The following PPAT variants were observed in gnomAD, a reference collection of about 807,000 sequenced individuals.
PPAT encodes phosphoribosyl pyrophosphate amidotransferase.
In PPAT, 20 loss-of-function variants were observed where a neutral mutation model predicts 60.2. That is an observed-to-expected ratio of 0.33 (90% CI 0.23 to 0.48). PPAT has a LOEUF of 0.48. PPAT is among the 20% of genes least tolerant of loss of function. The pLI, the probability that PPAT is intolerant of heterozygous loss-of-function variation, is 0.99. For missense variants in PPAT, 349 were observed against 629.6 expected, an observed-to-expected ratio of 0.55 and a Z score of 4.77; for synonymous variants, 194 against 215.1, an observed-to-expected ratio of 0.90 and a Z score of 0.86.
Position 56,401,420 on chromosome 4 carries a change from G to A in PPAT, c.796C>T (p.Leu266Phe). ...VEISRHNVQT[L>F]DIISRSEGNP... ...CCTTCAGACCTTGATATAATATCAA[G>A]AGTTTGGACATTGTGTCTGGATATT... The change falls in exon 7 of 11, where the codon CTT becomes TTT. Residue 266 changes from leucine (L) to phenylalanine (F), a missense_variant. Leu to Phe is a conservative substitution (Grantham distance 22). This residue lies in a region of PPAT where 167 missense variants were observed against 328.6 expected (regional missense o/e 0.51). Coordinates refer to ENST00000264220, the MANE Select transcript of PPAT (RefSeq NM_002703.5). 1 of 1,606,204 alleles carries A rather than the reference G, an allele frequency of 6.2e-7. No homozygotes were observed. Among genetic ancestry groups the A allele is most frequent in the South Asian group, 1.1e-5 (1 of 90,060 alleles).
chr4:56,406,738 G>T lies in PPAT; in HGVS notation c.196-37C>A, dbSNP rs201432949. Reference sequence around the variant, plus strand: ...AAAAAGTGCAACTTAGAAAAAAACAGACTAGTACTGCTAGTAATAAACGCC... The same window carrying T: ...AAAAAGTGCAACTTAGAAAAAAACATACTAGTACTGCTAGTAATAAACGCC... On this transcript the variant is annotated intron_variant, in intron 2 of 10. Transcript: ENST00000264220. 8.3e-5 allele frequency: 121 copies of T among 1,452,620 alleles called. No individual in the cohort carries two copies. The East Asian group carries it at 2.6e-3, about 32-fold the overall frequency. 90.0% of individuals were successfully genotyped at this position (1,452,620 alleles called of 1,614,324 possible). A position where few individuals can be genotyped will look rare whatever the true frequency, so the allele number is the denominator to read the frequency against.
chr4:56,404,523 T>C (rs751856968), intron 3 of PPAT, among the ~76,000 whole-genome samples: 3 of 152,196 alleles, frequency 2.0e-5, no homozygotes, highest in African/African-American at 4.8e-5. Flanking sequence ...AGATTGAGTC[T>C]GAATGGGCAC....
intron 1 of PPAT, among the ~76,000 whole-genome samples, chr4:56,409,737 A>G (rs1716360505): frequency 1.3e-5 from 2 of 152,248 alleles, no homozygotes; most frequent in South Asian, 4.1e-4. Context: ...TTTGTTCCAA[A>G]GAATATATAT....
At chr4:56,415,765 T>C (rs542347556) in intron 1 of PPAT, among the ~76,000 whole-genome samples, 1 of 152,212 alleles carries the variant, frequency 6.6e-6, no homozygotes, top group South Asian at 2.1e-4. Flanking sequence ...GATACAATTA[T>C]AAATAAAACA....
In PPAT at chr4:56,402,505, T is replaced by C. The variant is rs375406353; in HGVS notation, c.662-324A>G. The stretch of plus-strand genomic sequence containing the variant: ...ATTAAGACAGGAAAAAATAGGAATC[T>C]CTATTAAAAACATTAAAAGGGATTC... On this transcript the variant is annotated intron_variant, in intron 5 of 10. Coordinates refer to ENST00000264220, the MANE Select transcript of PPAT (RefSeq NM_002703.5). 5.3e-4 allele frequency among the ~76,000 whole-genome samples: 81 copies of C among 152,104 alleles called. 1 individual carries two copies. Among genetic ancestry groups the C allele is most frequent in the African/African-American group, 1.9e-3 (78 of 41,502 alleles).
rs553701803 is a variant in PPAT, at chr4:56,396,883, GTTTT to G, written c.1237-148_1237-145del. ...ATTCTTTCTACAAAGCTGCTTCTTG[GTTTT>G]TTTTTTCTTTCACCTAATCATGAGG... On this transcript the variant is annotated intron_variant, in intron 9 of 10. Transcript: ENST00000264220. This position sits in a 1 kb window ranked among gnomAD's most constrained non-coding sequence, Gnocchi z 4.6. 35 of 700,194 alleles carry G rather than the reference GTTTT, an allele frequency of 5.0e-5. No homozygotes were observed. The highest frequency in any genetic ancestry group is 1.7e-4 in the South Asian group (5 of 28,726). 43.4% of individuals were successfully genotyped at this position (700,194 alleles called of 1,614,324 possible).
chr4:56,429,268 C>A (rs1257234203), intron 1 of PPAT, among the ~76,000 whole-genome samples: 2 of 152,050 alleles, frequency 1.3e-5, no homozygotes, highest in Non-Finnish European at 2.9e-5. Flanking sequence ...TGAAAACTTG[C>A]CCGGAGTTAG....
intron 1 of PPAT, among the ~76,000 whole-genome samples, chr4:56,411,788 G>A (rs1036651361): frequency 6.6e-6 from 1 of 152,210 alleles, no homozygotes. Flanking sequence ...AGAGAAAACA[G>A]TAAATAGTAT....
At chr4:56,427,435 A>T (rs925672734) in intron 1 of PPAT, among the ~76,000 whole-genome samples, 3 of 152,216 alleles carry the variant, frequency 2.0e-5, no homozygotes, top group Non-Finnish European at 2.9e-5. Flanking sequence ...GTTTTCCACC[A>T]TGACTTCACC....
intron 1 of PPAT, among the ~76,000 whole-genome samples, chr4:56,434,645 C>G (rs1375275287): frequency 6.6e-6 from 1 of 152,172 alleles, no homozygotes; most frequent in Non-Finnish European, 1.5e-5. Context: ...TAATTTTTGT[C>G]ATGTTATTAC....
rs554631215 is a variant in PPAT at position 56,424,228 on chromosome 4, A to G, written c.128+11122T>C. ...AAGCCATAAGCTTTTCTTTACTTCA[A>G]ATGAAAATCCAGCTACAGCTGTAGA... is the stretch of plus-strand genomic sequence containing the variant. On this transcript the variant is annotated intron_variant, in intron 1 of 10. Coordinates refer to ENST00000264220, the MANE Select transcript of PPAT (RefSeq NM_002703.5). 2.8e-4 allele frequency among the ~76,000 whole-genome samples: 43 copies of G among 152,202 alleles called. 1 individual carries two copies. Among genetic ancestry groups the G allele is most frequent in the Admixed American group, 3.3e-4 (5 of 15,280 alleles).
At chr4:56,401,538 T>G in intron 6 of PPAT, 57 bp from the exon 7 acceptor site, 3 of 1,412,778 alleles carry the variant, frequency 2.1e-6, no homozygotes, top group Non-Finnish European at 2.9e-6. Flanking sequence ...TTAAGGCTGA[T>G]GAAAATATTA....
intron 1 of PPAT, among the ~76,000 whole-genome samples, chr4:56,429,647 T>C (rs996399924): frequency 6.6e-6 from 1 of 152,212 alleles, no homozygotes; most frequent in Admixed American, 6.5e-5. Flanking sequence ...TAATGCCTTA[T>C]AGATTTATAA....
chr4:56,428,704 TA>T (rs1284410284), intron 1 of PPAT, among the ~76,000 whole-genome samples: 1 of 152,162 alleles, frequency 6.6e-6, no homozygotes, highest in Non-Finnish European at 1.5e-5. Context: ...ATGAAATCCT[TA>T]CACTATTGTA....
intron 1 of PPAT, among the ~76,000 whole-genome samples, chr4:56,433,012 T>A (rs993019824): frequency 6.0e-5 from 9 of 150,786 alleles, no homozygotes; most frequent in African/African-American, 1.9e-4. Flanking sequence ...TATATATATA[T>A]AAAACTAAAC....
At position 56,394,844 on chromosome 4, in the gene PPAT, C is replaced by A. The variant is rs2110035454; in HGVS notation, c.*508G>T. On this transcript the variant is annotated 3_prime_UTR_variant, in exon 11 of 11. Transcript: ENST00000264220. ...GTATCCCATTGCACATGTGGGGAAA[C>A]TGAGGCACCAGATTATTATTATTTT... 1 of 132,798 alleles carries A rather than the reference C, an allele frequency of 7.5e-6. No individual in the cohort carries two copies. The highest frequency in any genetic ancestry group is 2.8e-5 in the African/African-American group (1 of 35,970). 8.2% of individuals were successfully genotyped at this position (132,798 alleles called of 1,614,324 possible).
chr4:56,403,075 C>T lies in PPAT; in HGVS notation c.626G>A (p.Gly209Asp), dbSNP rs988379129. 1 of 1,611,098 alleles carries T rather than the reference C, an allele frequency of 6.2e-7. No individual in the cohort carries two copies. Among genetic ancestry groups the T allele is most frequent in the Non-Finnish European group, 8.5e-7 (1 of 1,178,722 alleles). Reference protein sequence around the residue: ...DPYGNRPLCIGRLIPVSDIND... With the variant: ...DPYGNRPLCIDRLIPVSDIND... The stretch of plus-strand genomic sequence containing the variant: ...TATATCAGACACTGGAATAAGACGA[C>T]CAATGCATAAGGGACGATTTCCATA... The change falls in exon 5 of 11, where the codon GGT (glycine) becomes GAT (aspartate). Residue 209 changes from glycine to aspartate, a missense_variant. Gly to Asp is a moderately conservative substitution (Grantham distance 94, BLOSUM62 -1). This residue lies in a region of PPAT where 63 missense variants were observed against 86.9 expected (regional missense o/e 0.73). Coordinates refer to ENST00000264220, the MANE Select transcript of PPAT (RefSeq NM_002703.5).
chr4:56,398,986 A>C (rs1324563201), intron 9 of PPAT, among the ~76,000 whole-genome samples, 193 bp downstream of exon 9: 1 of 152,098 alleles, frequency 6.6e-6, no homozygotes, highest in Non-Finnish European at 1.5e-5. Context: ...TAATCTATTA[A>C]GGATTACATT....
intron 1 of PPAT, among the ~76,000 whole-genome samples, chr4:56,412,995 T>C (rs1716539817): frequency 9.2e-6 from 1 of 108,420 alleles, no homozygotes; most frequent in Admixed American, 1.1e-4. Flanking sequence ...TTCCATAATA[T>C]TTAACTGAGT....
Sources: allele counts gnomAD v4.1 joint callset (sites outside exome capture counted in the v4.1 genomes callset), GRCh38; gene constraint gnomAD v4.1.1; regional missense constraint gnomAD v4.1.1; non-coding constraint Gnocchi (gnomAD v3.1); transcripts MANE v1.5; gene names NCBI Gene and HGNC (gene_info 2026-07-23, HGNC 2026-07-21).